DCBLD1: variants seen among roughly 807,000 people sequenced by gnomAD.
The protein encoded by DCBLD1 is discoidin, CUB and LCCL domain-containing protein 1.
A neutral mutation model predicts 71.5 loss-of-function variants in DCBLD1; 57 were observed. The observed-to-expected ratio is 0.80, with a 90% CI of 0.64 to 0.99. The LOEUF is 0.99. Ranked by LOEUF, DCBLD1 falls within the 50% of genes least tolerant of loss-of-function variation. The pLI, the probability that DCBLD1 is intolerant of heterozygous loss-of-function variation, is 0.00. For synonymous variants in DCBLD1, 380 were observed against 363.8 expected (o/e 1.04, Z -0.51); for missense variants, 891 against 923.5 (o/e 0.96, Z 0.46).
chr6:117,527,682 C>T (rs552797505), intron 5 of DCBLD1, among the ~76,000 whole-genome samples: 41 of 152,202 alleles, frequency 2.7e-4, no homozygotes, highest in African/African-American at 8.4e-4. Flanking sequence ...CAGTGATTTC[C>T]TAGTCACTGA....
intron 3 of DCBLD1, 118 bp downstream of exon 3, chr6:117,520,068 G>A: frequency 6.8e-7 from 1 of 1,469,084 alleles, no homozygotes; most frequent in Non-Finnish European, 9.3e-7. Flanking sequence ...AGATATGAGG[G>A]AGAAGAGGAA....
Position 117,539,271 on chromosome 6 carries a change from A to T in DCBLD1, c.993A>T (p.Gly331=), listed in dbSNP as rs750144357. 6.2e-7 allele frequency: 1 copy of T among 1,600,306 alleles called. No individual in the cohort carries two copies. Residue 331 remains glycine (G), a synonymous_variant, in exon 9 of 15, where the codon GGA becomes GGT. Transcript: ENST00000338728. ...KKKITGIRTT[G]STQSNFNFYV... ...TCTTACAAGGAATTAGGACCACAGG[A>T]TCTACACAGTCGAACTTCAACTTTT... is the stretch of plus-strand genomic sequence containing the variant.
At chr6:117,541,073 C>G in intron 11 of DCBLD1, 48 bp downstream of exon 11, 3 of 1,582,466 alleles carry the variant, frequency 1.9e-6, no homozygotes, top group Non-Finnish European at 2.6e-6. Context: ...AACTGGTAAC[C>G]CACCCAATAT....
At chr6:117,561,353 A>T in intron 14 of DCBLD1, 1 of 225,030 alleles carries the variant, frequency 4.4e-6, no homozygotes, top group Non-Finnish European at 8.9e-6. Context: ...CAGTCATAGC[A>T]GATAAAGGAT....
At chr6:117,486,147 A>T (rs1041086262) in intron 1 of DCBLD1, among the ~76,000 whole-genome samples, 6 of 152,226 alleles carry the variant, frequency 3.9e-5, no homozygotes, top group Admixed American at 1.3e-4. Context: ...AAATCATTTT[A>T]AAAAACCACA....
chr6:117,488,600 C>A (rs546221199), intron 1 of DCBLD1, among the ~76,000 whole-genome samples: 1 of 152,202 alleles, frequency 6.6e-6, no homozygotes, highest in African/African-American at 2.4e-5. Flanking sequence ...AGCTGTGATG[C>A]TGCCACCGTA....
chr6:117,525,294 A>G (rs1778513004), intron 4 of DCBLD1, 68 bp from the exon 5 acceptor site: 3 of 1,221,512 alleles, frequency 2.5e-6, no homozygotes, highest in Non-Finnish European at 3.2e-6. Flanking sequence ...TTAAAAATTT[A>G]AGTACAGTTT....
At chr6:117,539,102 G>A in intron 8 of DCBLD1, 153 bp from the exon 9 acceptor site, 1 of 751,898 alleles carries the variant, frequency 1.3e-6, no homozygotes, top group African/African-American at 1.8e-5. Flanking sequence ...ACATTAATCT[G>A]TGAAGAGATT....
At chr6:117,547,745 T>C (rs1779317074) in intron 14 of DCBLD1, 162 bp from the exon 15 acceptor site, 1 of 1,485,234 alleles carries the variant, frequency 6.7e-7, no homozygotes, top group Non-Finnish European at 9.2e-7. Context: ...GCGGGTGGCT[T>C]CTGTGGCTTT....
chr6:117,538,663 A>C lies in DCBLD1; in HGVS notation c.804A>C (p.Arg268Ser). 1 of 1,614,058 alleles carries C rather than the reference A, an allele frequency of 6.2e-7. No homozygotes were observed. Among genetic ancestry groups the C allele is most frequent in the East Asian group, 2.2e-5 (1 of 44,886 alleles). Reference protein sequence around the residue: ...SLSFEPDGQIRASSSWQSVNE... With the variant: ...SLSFEPDGQISASSSWQSVNE... ...GTTTTGAACCTGACGGGCAAATCAG[A>C]GCTTCTTCCTCATGGCAGTCGGTCA... is the stretch of plus-strand genomic sequence containing the variant. The change falls in exon 8 of 15, where the codon AGA becomes AGC. Residue 268 changes from arginine (R) to serine (S), a missense_variant. Physicochemically the swap from Arg to Ser is moderately radical, Grantham distance 110. Coordinates refer to ENST00000338728, the MANE Select transcript of DCBLD1 (RefSeq NM_001366458.2).
At chr6:117,490,351 A>AT (rs756374233) in intron 1 of DCBLD1, among the ~76,000 whole-genome samples, 3 of 152,154 alleles carry the variant, frequency 2.0e-5, no homozygotes, top group East Asian at 1.9e-4. Flanking sequence ...CCATATTTAT[A>AT]TTTATTTTAG....
chr6:117,567,141 T>G (rs143379490), intron 14 of DCBLD1: 4 of 667,148 alleles, frequency 6.0e-6, no homozygotes, highest in Non-Finnish European at 9.3e-6. Flanking sequence ...ATCTAAGAGA[T>G]AGCTGATTTC....
rs138010770 is a variant in DCBLD1 at position 117,501,567 on chromosome 6, C to G, written c.113-2200C>G. ...CAGGCTGGTCTCGAACTCCTGACTT[C>G]AGGTGATCCGCTGCCTTGGCCTCCC... is the stretch of plus-strand genomic sequence containing the variant. On this transcript the variant is annotated intron_variant, in intron 1 of 14. Transcript: ENST00000338728. Among the ~76,000 whole-genome samples, 922 of 152,302 alleles carry G rather than the reference C, an allele frequency of 6.1e-3. 6 individuals are homozygous for G. Among genetic ancestry groups the G allele is most frequent in the African/African-American group, 0.021 (869 of 41,554 alleles).
Position 117,506,376 on chromosome 6 carries a change from A to G in DCBLD1, c.325+2397A>G, listed in dbSNP as rs554895326. ...ATCACCAAAAAAACCACATTGCACT[A>G]TCATCCTTCCCAGGTGGACTGGCCC... On this transcript the variant is annotated intron_variant, in intron 2 of 14. Coordinates refer to ENST00000338728, the MANE Select transcript of DCBLD1 (RefSeq NM_001366458.2). Among the ~76,000 whole-genome samples, 29 of 152,310 alleles carry G rather than the reference A, an allele frequency of 1.9e-4. No homozygotes were observed. The South Asian group carries it at 2.9e-3, about 15-fold the overall frequency.
chr6:117,497,419 T>C (rs1777507551), intron 1 of DCBLD1, among the ~76,000 whole-genome samples: 1 of 152,242 alleles, frequency 6.6e-6, no homozygotes, highest in Non-Finnish European at 1.5e-5. Context: ...GTTTTCCTTT[T>C]GTAGTGGATG....
intron 14 of DCBLD1, among the ~76,000 whole-genome samples, chr6:117,567,926 T>G (rs1583050736): frequency 6.7e-6 from 1 of 150,142 alleles, no homozygotes; most frequent in Admixed American, 6.7e-5. Context: ...CACAGTGGCT[T>G]ACACCTGTAA....
chr6:117,524,912 C>T (rs1048447369), intron 4 of DCBLD1, among the ~76,000 whole-genome samples: 1 of 152,088 alleles, frequency 6.6e-6, no homozygotes, highest in Non-Finnish European at 1.5e-5. Flanking sequence ...ATGTATAACA[C>T]GGAAAGTGAA....
chr6:117,552,457 C>T (rs367676396), downstream of DCBLD1, among the ~76,000 whole-genome samples: 34 of 152,134 alleles, frequency 2.2e-4, no homozygotes, highest in African/African-American at 8.0e-4. Context: ...TTAACTGTGG[C>T]ACACACCCTC....
intron 4 of DCBLD1, among the ~76,000 whole-genome samples, chr6:117,523,680 A>G (rs1433871259): frequency 6.6e-6 from 1 of 152,198 alleles, no homozygotes; most frequent in African/African-American, 2.4e-5. Flanking sequence ...CAATGCAGGG[A>G]CTCCAAAAGG....
Sources: gnomAD v4.1 joint callset for allele counts (sites outside exome capture counted in the v4.1 genomes callset) on GRCh38, gnomAD v4.1.1 for gene constraint, MANE v1.5 for transcripts, NCBI Gene and HGNC (gene_info 2026-07-23, HGNC 2026-07-21) for gene names.